HMGCLL1: variants seen among roughly 807,000 people sequenced by gnomAD.
HMGCLL1 encodes the protein 3-hydroxymethyl-3-methylglutaryl-CoA lyase, cytoplasmic.
A neutral mutation model predicts 39.1 loss-of-function variants in HMGCLL1; 36 were observed. The ratio of observed to expected loss-of-function variants is 0.92; its 90% CI spans 0.71 to 1.22. The LOEUF (loss-of-function observed/expected upper bound fraction) is 1.22. Ranked by LOEUF, HMGCLL1 falls within the 50% of genes most tolerant of loss-of-function variation. The probability of loss-of-function intolerance (pLI) is 0.00; values close to 1 mark genes in which losing one functional copy is unlikely to be tolerated. For missense variants in HMGCLL1, 451 were observed against 416.5 expected (o/e 1.08, Z -0.72); for synonymous variants, 149 against 144.0 (o/e 1.03, Z -0.25).
intron 1 of HMGCLL1, among the ~76,000 whole-genome samples, chr6:55,556,642 T>C (rs965348244): frequency 2.6e-5 from 4 of 152,058 alleles, no homozygotes; most frequent in Admixed American, 6.6e-5. Context: ...CTGAGGTACA[T>C]TGGACTATGC....
intron 7 of HMGCLL1, among the ~76,000 whole-genome samples, chr6:55,457,180 A>G (rs1186113513): frequency 6.6e-6 from 1 of 152,064 alleles, no homozygotes; most frequent in Non-Finnish European, 1.5e-5. Flanking sequence ...TTTCTACCAA[A>G]CTCTTATCAA....
At chr6:55,471,705 G>A (rs1001643608) in intron 7 of HMGCLL1, among the ~76,000 whole-genome samples, 1 of 151,136 alleles carries the variant, frequency 6.6e-6, no homozygotes, top group African/African-American at 2.4e-5. Context: ...AAGCTATTAA[G>A]TTTATAATAT....
At chr6:55,610,778 C>T in the HMGCLL1 span, among the ~76,000 whole-genome samples, 3 of 152,026 alleles carry the variant, frequency 2.0e-5, no homozygotes, top group African/African-American at 7.2e-5. Context: ...TTAAGGGCAG[C>T]CAAAGAGAAA....
intron 3 of HMGCLL1, among the ~76,000 whole-genome samples, chr6:55,532,619 G>C (rs1389364722): frequency 6.6e-6 from 1 of 151,802 alleles, no homozygotes; most frequent in East Asian, 1.9e-4. Context: ...TGGCCAAGAT[G>C]GTGAAACCTC....
intron 3 of HMGCLL1, among the ~76,000 whole-genome samples, chr6:55,533,574 C>A (rs1768815179): frequency 6.6e-6 from 1 of 152,108 alleles, no homozygotes; most frequent in Admixed American, 6.5e-5. Context: ...TGTGTGTATT[C>A]CAGACGTGTC....
At chr6:55,650,112 T>TATAC in the HMGCLL1 span, among the ~76,000 whole-genome samples, 2 of 76,864 alleles carry the variant, frequency 2.6e-5, no homozygotes, top group African/African-American at 1.2e-4. Context: ...TATATATATA[T>TATAC]ATATATATAT....
At chr6:55,644,344 G>A in the HMGCLL1 span, among the ~76,000 whole-genome samples, 1 of 151,898 alleles carries the variant, frequency 6.6e-6, no homozygotes, top group African/African-American at 2.4e-5. Context: ...CTGTAATGTG[G>A]GTTGTCTTTT....
chr6:55,655,349 G>A, the HMGCLL1 span, among the ~76,000 whole-genome samples: 3 of 149,268 alleles, frequency 2.0e-5, no homozygotes, highest in Non-Finnish European at 4.5e-5. Context: ...TCCCCCTCCT[G>A]TTACAATTAT....
chr6:55,573,838 A>G (rs146526538), intron 1 of HMGCLL1, among the ~76,000 whole-genome samples: 180 of 152,284 alleles, frequency 1.2e-3, no homozygotes, highest in Non-Finnish European at 1.1e-3. Flanking sequence ...CATAGATCCA[A>G]GAAGTGTTGT....
At chr6:55,677,573 T>C in the HMGCLL1 span, among the ~76,000 whole-genome samples, 3 of 152,200 alleles carry the variant, frequency 2.0e-5, no homozygotes, top group Non-Finnish European at 2.9e-5. Flanking sequence ...ATTCCTTGGT[T>C]TGGGGATTGC....
At chr6:55,482,652 G>T (rs1050289832) in intron 7 of HMGCLL1, among the ~76,000 whole-genome samples, 9 of 152,014 alleles carry the variant, frequency 5.9e-5, no homozygotes, top group African/African-American at 2.2e-4. Flanking sequence ...TTTCCTTTAA[G>T]AATGTTTACT....
chr6:55,507,564 A>T (rs1046413247), intron 5 of HMGCLL1, among the ~76,000 whole-genome samples: 1 of 151,782 alleles, frequency 6.6e-6, no homozygotes, highest in South Asian at 2.1e-4. Context: ...GTCTTTTTAA[A>T]TAGCATGATT....
the HMGCLL1 span, among the ~76,000 whole-genome samples, chr6:55,634,075 AC>A: frequency 1.3e-5 from 2 of 151,544 alleles, no homozygotes; most frequent in African/African-American, 4.8e-5. Context: ...AGGAAGGCAA[AC>A]TTTTTTTTTT....
At chr6:55,518,736 AGTC>A (rs1767880909) in intron 3 of HMGCLL1, among the ~76,000 whole-genome samples, 1 of 152,122 alleles carries the variant, frequency 6.6e-6, no homozygotes, top group Non-Finnish European at 1.5e-5. Context: ...CCCAGCCAAT[AGTC>A]AGTGTCACCC....
chr6:55,603,645 A>G, the HMGCLL1 span, among the ~76,000 whole-genome samples: 1 of 152,158 alleles, frequency 6.6e-6, no homozygotes, highest in South Asian at 2.1e-4. Flanking sequence ...CTTCTTGGGG[A>G]AAACTGGTAG....
chr6:55,674,076 C>T, the HMGCLL1 span, among the ~76,000 whole-genome samples: 10 of 151,928 alleles, frequency 6.6e-5, no homozygotes, highest in Non-Finnish European at 1.2e-4. Context: ...AAAGGGATTG[C>T]TTCCAAAGTA....
chr6:55,659,275 A>G, the HMGCLL1 span, among the ~76,000 whole-genome samples: 1 of 151,900 alleles, frequency 6.6e-6, no homozygotes, highest in Admixed American at 6.6e-5. Flanking sequence ...AAAGAGCAAT[A>G]ATTTTTGTTG....
chr6:55,523,735 T>C (rs985495550), intron 3 of HMGCLL1, among the ~76,000 whole-genome samples: 3 of 151,932 alleles, frequency 2.0e-5, no homozygotes, highest in South Asian at 2.1e-4. Flanking sequence ...ATTCACCATG[T>C]TAATGTCCTA....
chr6:55,556,213 T>C (rs747458992), intron 1 of HMGCLL1, among the ~76,000 whole-genome samples: 10 of 151,998 alleles, frequency 6.6e-5, no homozygotes, highest in Non-Finnish European at 1.3e-4. Flanking sequence ...AAAACAATAA[T>C]AATTAAAATA....
Sources: gnomAD v4.1 joint callset for allele counts (sites outside exome capture counted in the v4.1 genomes callset) on GRCh38, gnomAD v4.1.1 for gene constraint, MANE v1.5 for transcripts, NCBI Gene and HGNC (gene_info 2026-07-23, HGNC 2026-07-21) for gene names.